The following RHOQ variants were observed in gnomAD, a reference collection of about 807,000 sequenced individuals.
RHOQ encodes the protein ras homolog family member Q.
Under a neutral mutation model 25.8 loss-of-function variants are expected in RHOQ, and 7 were observed. That is an observed-to-expected ratio of 0.27 (90% CI 0.15 to 0.51). The LOEUF (loss-of-function observed/expected upper bound fraction) is 0.51. Ranked by LOEUF, RHOQ falls within the 20% of genes least tolerant of loss-of-function variation. The pLI is 0.97. For synonymous variants in RHOQ, 97 were observed against 98.6 expected (o/e 0.98, Z 0.10); for missense variants, 165 against 260.6 (o/e 0.63, Z 2.53).
chr2:46,553,867 G>A (rs1032408470), intron 2 of RHOQ, among the ~76,000 whole-genome samples: 5 of 152,042 alleles, frequency 3.3e-5, no homozygotes, highest in African/African-American at 7.2e-5. Context: ...GTGAGCCACC[G>A]TGCCTGGCCC....
chr2:46,543,361 G>A (rs1667902334), intron 1 of RHOQ, 173 bp downstream of exon 1: 1 of 642,434 alleles, frequency 1.6e-6, no homozygotes, highest in Non-Finnish European at 2.6e-6. Context: ...GCAACCCCTC[G>A]CCCGCTGATC....
chr2:46,576,064 T>C lies in RHOQ; in HGVS notation c.202-23T>C, dbSNP rs1669113277. Reference sequence around the variant, plus strand: ...AAACAATAGAAATGTAAATACATAATGAGGCTTTTCTTTGTTCCTCAGGAA... The same window carrying C: ...AAACAATAGAAATGTAAATACATAACGAGGCTTTTCTTTGTTCCTCAGGAA... On this transcript the variant is annotated intron_variant, in intron 2 of 4. Transcript: ENST00000238738. This position sits in a 1 kb window ranked among gnomAD's most constrained non-coding sequence, Gnocchi z 5.1. The C allele has an allele frequency of 6.4e-6, 10 of 1,572,596 alleles. No homozygotes were observed. The highest frequency in any genetic ancestry group is 4.5e-5 in the East Asian group (2 of 44,332).
At chr2:46,561,616 T>C (rs1668579352) in intron 2 of RHOQ, among the ~76,000 whole-genome samples, 1 of 152,078 alleles carries the variant, frequency 6.6e-6, no homozygotes, top group African/African-American at 2.4e-5. Flanking sequence ...GTAATACCTA[T>C]TTTTCCATGT....
At chr2:46,546,467 T>TATATATAC (rs1668052557) in intron 2 of RHOQ, among the ~76,000 whole-genome samples, 1 of 6,554 alleles carries the variant, frequency 1.5e-4, no homozygotes, top group South Asian at 4.8e-3. Flanking sequence ...TATATATATA[T>TATATATAC]ATATATGTGT....
intron 2 of RHOQ, among the ~76,000 whole-genome samples, chr2:46,561,986 G>A (rs1182154209): frequency 1.3e-5 from 2 of 152,130 alleles, no homozygotes; most frequent in South Asian, 2.1e-4. Context: ...TGTCTCACTG[G>A]TTGCTTAACT....
chr2:46,544,161 C>A (rs576404232), intron 2 of RHOQ, among the ~76,000 whole-genome samples: 32 of 152,154 alleles, frequency 2.1e-4, no homozygotes, highest in South Asian at 8.3e-4. Context: ...GTCTCCCCCC[C>A]ACAGCCTCTG....
intron 2 of RHOQ, among the ~76,000 whole-genome samples, chr2:46,550,281 T>G (rs1668200933): frequency 6.6e-6 from 1 of 152,142 alleles, no homozygotes; most frequent in Non-Finnish European, 1.5e-5. Context: ...GACTGTCAGC[T>G]TGTTTCTGCT....
chr2:46,570,474 A>G (rs992363406), intron 2 of RHOQ, among the ~76,000 whole-genome samples: 1 of 152,168 alleles, frequency 6.6e-6, no homozygotes, highest in African/African-American at 2.4e-5. Context: ...ATGAGGTTTC[A>G]TAGGCTACTC....
In RHOQ at chr2:46,582,550, T is replaced by C. The variant is rs1304210443; in HGVS notation, c.*1467T>C. ...CAAAGCTTCATTGTGAACAACCTAA[T>C]GCATTTTAGAGAAACAATCTCATCA... On this transcript the variant is annotated 3_prime_UTR_variant, in exon 5 of 5. Transcript: ENST00000238738. The C allele has an allele frequency of 6.6e-6, 1 of 152,358 alleles. No individual in the cohort carries two copies. Among genetic ancestry groups the C allele is most frequent in the East Asian group, 1.9e-4 (1 of 5,200 alleles). 9.4% of individuals were successfully genotyped at this position (152,358 alleles called of 1,614,324 possible). A position where few individuals can be genotyped will look rare whatever the true frequency, so the allele number is the denominator to read the frequency against.
chr2:46,549,834 G>A (rs1363291309), intron 2 of RHOQ, among the ~76,000 whole-genome samples: 2 of 152,144 alleles, frequency 1.3e-5, no homozygotes, highest in Non-Finnish European at 2.9e-5. Context: ...TCCTGGATGC[G>A]TTCTTGCTCT....
intron 2 of RHOQ, among the ~76,000 whole-genome samples, chr2:46,546,649 CT>C (rs1243744382): frequency 6.7e-6 from 1 of 150,170 alleles, no homozygotes; most frequent in Non-Finnish European, 1.5e-5. Context: ...AATTATTTAC[CT>C]TTGTGATCTA....
Position 46,542,957 on chromosome 2 carries a change from G to A in RHOQ, c.-90G>A. The A allele has an allele frequency of 1.2e-6, 1 of 855,160 alleles. No homozygotes were observed. 53.0% of individuals were successfully genotyped at this position (855,160 alleles called of 1,614,324 possible). A position where few individuals can be genotyped will look rare whatever the true frequency, so the allele number is the denominator to read the frequency against. On this transcript the variant is annotated 5_prime_UTR_variant, in exon 1 of 5. Transcript: ENST00000238738. The stretch of plus-strand genomic sequence containing the variant: ...CCTGCGGCGCGGAGCGGCGGCGACG[G>A]CGGCGGACCCCCCAGGCGGGCTGGG...
rs1668735056 is a variant in RHOQ at position 46,566,472 on chromosome 2, T to C, written c.202-9615T>C. On this transcript the variant is annotated intron_variant, in intron 2 of 4. Transcript: ENST00000238738. The surrounding 1 kb of genome is among the most constrained non-coding windows in gnomAD (Gnocchi z 4.2). ...GAATATATCTAGAATCCACCATTTC[T>C]CTAGCTGTCAACTGCTGTCCCTTAG... Among the ~76,000 whole-genome samples, 1 of 152,188 alleles carries C rather than the reference T, an allele frequency of 6.6e-6. No homozygotes were observed. The highest frequency in any genetic ancestry group is 2.4e-5 in the African/African-American group (1 of 41,456).
At chr2:46,544,335 A>G (rs1667975750) in intron 2 of RHOQ, among the ~76,000 whole-genome samples, 1 of 152,208 alleles carries the variant, frequency 6.6e-6, no homozygotes. Flanking sequence ...TGGTGTTACC[A>G]AAGGACCACA....
In RHOQ at chr2:46,556,840, G is replaced by A. The variant is rs1422221204; in HGVS notation, c.201+13028G>A. 2.0e-5 allele frequency among the ~76,000 whole-genome samples: 3 copies of A among 152,144 alleles called. No individual in the cohort carries two copies. The highest frequency in any genetic ancestry group is 6.5e-5 in the Admixed American group (1 of 15,290). On this transcript the variant is annotated intron_variant, in intron 2 of 4. Transcript: ENST00000238738. The surrounding 1 kb of genome is among the most constrained non-coding windows in gnomAD (Gnocchi z 4.9). ...AGCTTCCCAGATAGGCAAGGTTTCTGTGGGGCCGTTTAGATTCAGAAACAA... is the reference window on the plus strand; with the variant it reads ...AGCTTCCCAGATAGGCAAGGTTTCTATGGGGCCGTTTAGATTCAGAAACAA...
intron 2 of RHOQ, among the ~76,000 whole-genome samples, chr2:46,554,888 C>A (rs956523455): frequency 6.6e-6 from 1 of 151,878 alleles, no homozygotes; most frequent in African/African-American, 2.4e-5. Flanking sequence ...CAAAGTGTGC[C>A]CCCTCTAGGA....
rs1395950199 is a variant in RHOQ at position 46,582,021 on chromosome 2, TAAAG to T, written c.*940_*943del. 6.3e-6 allele frequency: 1 copy of T among 158,224 alleles called. No homozygotes were observed. Among genetic ancestry groups the T allele is most frequent in the Non-Finnish European group, 1.4e-5 (1 of 71,894 alleles). 9.8% of individuals were successfully genotyped at this position (158,224 alleles called of 1,614,324 possible). ...ACAAGAAACTTTCTTTAAGTTGTGT[TAAAG>T]AGGAAAGACCTAGAATCCAAGCGTG... On this transcript the variant is annotated 3_prime_UTR_variant, in exon 5 of 5. Transcript: ENST00000238738.
At chr2:46,543,863 T>G in intron 2 of RHOQ, 51 bp downstream of exon 2, 1 of 1,551,558 alleles carries the variant, frequency 6.4e-7, no homozygotes, top group South Asian at 1.1e-5. Context: ...CCCAGTTCTT[T>G]GTGGCTGCGA....
At chr2:46,570,770 T>C (rs753877043) in intron 2 of RHOQ, among the ~76,000 whole-genome samples, 1 of 152,234 alleles carries the variant, frequency 6.6e-6, no homozygotes, top group Non-Finnish European at 1.5e-5. Flanking sequence ...TTAGTTGTCA[T>C]ATGTTTTATG....
Sources: gnomAD v4.1 joint callset for allele counts (sites outside exome capture counted in the v4.1 genomes callset) on GRCh38, gnomAD v4.1.1 for gene constraint, Gnocchi (gnomAD v3.1) non-coding constraint, MANE v1.5 for transcripts, NCBI Gene and HGNC (gene_info 2026-07-23, HGNC 2026-07-21) for gene names.